The following NEDD4L variants were observed in gnomAD, a reference collection of about 807,000 sequenced individuals.
NEDD4L encodes NEDD4 like E3 ubiquitin protein ligase.
In NEDD4L, 54 loss-of-function variants were observed where a neutral mutation model predicts 148.9. That is an observed-to-expected ratio of 0.36 (90% CI 0.29 to 0.45). The LOEUF (loss-of-function observed/expected upper bound fraction) is 0.45, where lower values mean the gene tolerates loss of function less well. NEDD4L is among the 20% of genes least tolerant of loss of function. The pLI, the probability that NEDD4L is intolerant of heterozygous loss-of-function variation, is 1.00. For synonymous variants in NEDD4L, 433 were observed against 440.7 expected, an observed-to-expected ratio of 0.98 and a Z score of 0.22; for missense variants, 856 against 1,233.8, an observed-to-expected ratio of 0.69 and a Z score of 4.59.
At chr18:58,222,132 A>G (rs548939993) in intron 2 of NEDD4L, among the ~76,000 whole-genome samples, 2 of 152,316 alleles carry the variant, frequency 1.3e-5, no homozygotes, top group South Asian at 2.1e-4. Flanking sequence ...CTGAAGTTCT[A>G]TGAATGAGGT....
At chr18:58,276,086 A>G (rs2051891316) in intron 5 of NEDD4L, among the ~76,000 whole-genome samples, 1 of 152,134 alleles carries the variant, frequency 6.6e-6, no homozygotes. Context: ...ATAGCAAAAA[A>G]ATATTACTAC....
intron 1 of NEDD4L, among the ~76,000 whole-genome samples, chr18:58,124,099 C>G (rs1297794878): frequency 6.6e-6 from 1 of 152,190 alleles, no homozygotes; most frequent in Non-Finnish European, 1.5e-5. Flanking sequence ...ATATCCTGCC[C>G]TCTCCAGCGC....
intron 24 of NEDD4L, among the ~76,000 whole-genome samples, chr18:58,379,801 A>G (rs2048095629): frequency 6.6e-6 from 1 of 152,136 alleles, no homozygotes; most frequent in Non-Finnish European, 1.5e-5. Flanking sequence ...GTCACCTGTA[A>G]CGAATCCTAG....
At position 58,347,294 on chromosome 18, in the gene NEDD4L, G is replaced by A. The variant is rs148793747; in HGVS notation, c.1576-2243G>A. Among the ~76,000 whole-genome samples the A allele has an allele frequency of 1.2e-4, 16 of 136,104 alleles. No individual in the cohort carries two copies. In the East Asian group the frequency reaches 3.3e-3, roughly 28 times the overall value. 89.3% of individuals were successfully genotyped at this position (136,104 alleles called of 152,430 possible). ...CACGGTAGCCTACATGTGATTCCAA[G>A]GTCAGGCTGGCCTTGTGTGTAGCAT... On this transcript the variant is annotated intron_variant, in intron 16 of 30. Coordinates refer to ENST00000400345, the MANE Select transcript of NEDD4L (RefSeq NM_001144967.3).
chr18:58,335,547 C>T lies in NEDD4L; in HGVS notation c.1125+10C>T, dbSNP rs1260899330. ...TGGTGAGGAACCAACGGTAATGATC[C>T]ACTTTATCAGACATCAATAGCAAGA... On this transcript the variant is annotated intron_variant, in intron 13 of 30. Transcript: ENST00000400345. The T allele has an allele frequency of 1.2e-6, 2 of 1,607,874 alleles. No individual in the cohort carries two copies. The highest frequency in any genetic ancestry group is 4.5e-5 in the East Asian group (2 of 44,854).
intron 2 of NEDD4L, among the ~76,000 whole-genome samples, chr18:58,197,454 C>T (rs1196016343): frequency 6.6e-6 from 1 of 152,146 alleles, no homozygotes; most frequent in African/African-American, 2.4e-5. Flanking sequence ...TCCTTCCTTG[C>T]CATTGACGTG....
rs763364361 is a variant in NEDD4L at position 58,357,294 on chromosome 18, G to GTTACGTGT, written c.1767+53_1767+60dup. On this transcript the variant is annotated intron_variant, in intron 19 of 30. Coordinates refer to ENST00000400345, the MANE Select transcript of NEDD4L (RefSeq NM_001144967.3). Reference sequence around the variant, plus strand: ...TCTGCCTCTTCAGTATAAGATTTTGGTTACGTGTTTACGTGTTTCTTGTGT... The same window carrying GTTACGTGT: ...TCTGCCTCTTCAGTATAAGATTTTGGTTACGTGTTTACGTGTTTACGTGTTTCTTGTGT... 1.1e-5 allele frequency: 17 copies of GTTACGTGT among 1,544,078 alleles called. No homozygotes were observed. The East Asian group carries it at 3.8e-4, about 35-fold the overall frequency.
chr18:58,355,993 C>T (rs2044581548), intron 18 of NEDD4L, among the ~76,000 whole-genome samples: 1 of 152,168 alleles, frequency 6.6e-6, no homozygotes, highest in Non-Finnish European at 1.5e-5. Context: ...AAGACAGGTG[C>T]AGATCGGGCT....
At chr18:58,380,593 C>T (rs1211144571) in intron 24 of NEDD4L, among the ~76,000 whole-genome samples, 1 of 152,082 alleles carries the variant, frequency 6.6e-6, no homozygotes, top group African/African-American at 2.4e-5. Flanking sequence ...TTTTATTATA[C>T]TTTAAGTTCT....
intron 2 of NEDD4L, among the ~76,000 whole-genome samples, chr18:58,221,291 A>G (rs2043737047): frequency 6.7e-6 from 1 of 150,096 alleles, no homozygotes; most frequent in South Asian, 2.1e-4. Context: ...CGCCAGACAT[A>G]GAGTCATCCA....
rs2048582655 is a variant in NEDD4L, at chr18:58,256,475, C to T, written c.297+4421C>T. On this transcript the variant is annotated intron_variant, in intron 5 of 30. Transcript: ENST00000400345. This position sits in a 1 kb window ranked among gnomAD's most constrained non-coding sequence, Gnocchi z 5.2. ...CAGGTTGGTGAGGTATCCTCGCATT[C>T]GGCTGGAGAGGAGCACCTCGTACCC... is the stretch of plus-strand genomic sequence containing the variant. 4 of 1,232,258 alleles carry T rather than the reference C, an allele frequency of 3.2e-6. No homozygotes were observed. The highest frequency in any genetic ancestry group is 3.1e-5 in the African/African-American group (2 of 64,538). 76.3% of individuals were successfully genotyped at this position (1,232,258 alleles called of 1,614,324 possible).
intron 2 of NEDD4L, among the ~76,000 whole-genome samples, chr18:58,169,248 A>G (rs905307631): frequency 6.6e-6 from 1 of 152,212 alleles, no homozygotes; most frequent in African/African-American, 2.4e-5. Flanking sequence ...TTTGGAGCAG[A>G]TTGGATAACC....
At chr18:58,189,583 A>G (rs929255932) in intron 2 of NEDD4L, among the ~76,000 whole-genome samples, 2 of 152,146 alleles carry the variant, frequency 1.3e-5, no homozygotes, top group African/African-American at 4.8e-5. Flanking sequence ...CCAATAACGA[A>G]CGTGTAAATC....
chr18:58,320,023 A>G (rs1189128063), intron 6 of NEDD4L, among the ~76,000 whole-genome samples: 1 of 152,210 alleles, frequency 6.6e-6, no homozygotes, highest in African/African-American at 2.4e-5. Flanking sequence ...CTCTGTAAGT[A>G]ACAAAGCCAG....
chr18:58,282,510 T>A lies in NEDD4L; in HGVS notation c.297+30456T>A, dbSNP rs191667974. 1.2e-3 allele frequency among the ~76,000 whole-genome samples: 190 copies of A among 152,324 alleles called. 2 individuals carry two copies. Among genetic ancestry groups the A allele is most frequent in the Non-Finnish European group, 9.4e-4 (64 of 68,030 alleles). On this transcript the variant is annotated intron_variant, in intron 5 of 30. Coordinates refer to ENST00000400345, the MANE Select transcript of NEDD4L (RefSeq NM_001144967.3). ...GTACTTTTTGGATCAATCCAGTTGATCTAAAAATAAAAAGTAGACATCCAC... is the reference window on the plus strand; with the variant it reads ...GTACTTTTTGGATCAATCCAGTTGAACTAAAAATAAAAAGTAGACATCCAC...
In NEDD4L at chr18:58,214,203, T is replaced by A. The variant is rs80076186; in HGVS notation, c.123-31224T>A. Among the ~76,000 whole-genome samples the A allele has an allele frequency of 4.9e-3, 750 of 152,308 alleles. 3 individuals carry two copies. Among genetic ancestry groups the A allele is most frequent in the African/African-American group, 0.017 (718 of 41,574 alleles). ...GGTTAGTCACTCTAGCCCCCTTGGA[T>A]CTCTTGACTCCATCTCTTGATTTGT... On this transcript the variant is annotated intron_variant, in intron 2 of 30. Coordinates refer to ENST00000400345, the MANE Select transcript of NEDD4L (RefSeq NM_001144967.3).
At chr18:58,268,328 C>T (rs2050521826) in intron 5 of NEDD4L, among the ~76,000 whole-genome samples, 1 of 151,902 alleles carries the variant, frequency 6.6e-6, no homozygotes, top group African/African-American at 2.4e-5. Context: ...GCAGATGTTT[C>T]TTTCAGACCT....
chr18:58,146,327 G>A lies in NEDD4L; in HGVS notation c.49-19461G>A, dbSNP rs191195323. Among the ~76,000 whole-genome samples, 801 of 152,298 alleles carry A rather than the reference G, an allele frequency of 5.3e-3. 4 individuals carry two copies. Among genetic ancestry groups the A allele is most frequent in the Non-Finnish European group, 7.9e-3 (535 of 68,022 alleles). ...GGCTCTGGGTGTGAGCACAACATAG[G>A]CAGATGTGTCTGGGGCTCAGGGAGT... On this transcript the variant is annotated intron_variant, in intron 1 of 30. Transcript: ENST00000400345.
intron 2 of NEDD4L, among the ~76,000 whole-genome samples, chr18:58,180,023 A>G (rs1334931773): frequency 2.0e-5 from 3 of 152,120 alleles, no homozygotes; most frequent in African/African-American, 2.4e-5. Context: ...AGCAGCGTCC[A>G]TATCTGCCCT....
Sources: gnomAD v4.1 joint callset for allele counts (sites outside exome capture counted in the v4.1 genomes callset) on GRCh38, gnomAD v4.1.1 for gene constraint, Gnocchi (gnomAD v3.1) non-coding constraint, MANE v1.5 for transcripts, NCBI Gene and HGNC (gene_info 2026-07-23, HGNC 2026-07-21) for gene names.